The following CNTNAP4 variants were observed in gnomAD, a reference collection of about 807,000 sequenced individuals.
The protein encoded by CNTNAP4 is contactin-associated protein-like 4.
Under a neutral mutation model 148.4 loss-of-function variants are expected in CNTNAP4, and 98 were observed. That is an observed-to-expected ratio of 0.66 (90% CI 0.56 to 0.78). The LOEUF (loss-of-function observed/expected upper bound fraction) is 0.78, where lower values mean the gene tolerates loss of function less well. CNTNAP4 is among the 30% of genes least tolerant of loss of function. The probability of loss-of-function intolerance (pLI) is 0.00; values close to 1 mark genes in which losing one functional copy is unlikely to be tolerated. For missense variants in CNTNAP4, 1,935 were observed against 1,565.6 expected (o/e 1.24, Z -3.98); for synonymous variants, 730 against 565.1 (o/e 1.29, Z -4.14).
chr16:76,537,508 G>T (rs2084262271), intron 18 of CNTNAP4, among the ~76,000 whole-genome samples: 1 of 152,072 alleles, frequency 6.6e-6, no homozygotes, highest in Admixed American at 6.6e-5. Context: ...TCTCATACCA[G>T]GAAAATACTA....
intron 3 of CNTNAP4, among the ~76,000 whole-genome samples, chr16:76,369,370 C>G (rs2014536506): frequency 6.6e-6 from 1 of 152,034 alleles, no homozygotes; most frequent in Admixed American, 6.6e-5. Flanking sequence ...GAAATGGAAC[C>G]AAGTATATAC....
At chr16:76,545,823 G>A (rs1343871841) in intron 21 of CNTNAP4, among the ~76,000 whole-genome samples, 1 of 152,096 alleles carries the variant, frequency 6.6e-6, no homozygotes, top group East Asian at 1.9e-4. Flanking sequence ...GGATCACGAC[G>A]TCAGGAGATT....
intron 11 of CNTNAP4, among the ~76,000 whole-genome samples, chr16:76,477,072 T>C (rs1464296662): frequency 6.6e-6 from 1 of 152,172 alleles, no homozygotes; most frequent in African/African-American, 2.4e-5. Context: ...ATATGCAACT[T>C]ACTTATAAAG....
At position 76,326,694 on chromosome 16, in the gene CNTNAP4, A is replaced by C. The variant is rs566371675; in HGVS notation, c.196+10171A>C. Among the ~76,000 whole-genome samples, 20 of 152,120 alleles carry C rather than the reference A, an allele frequency of 1.3e-4. No homozygotes were observed. The East Asian group carries it at 3.9e-3, about 30-fold the overall frequency. Reference sequence around the variant, plus strand: ...ACCATCATTCTCAGCAAACTATCACAAGGACAAAAAAACCAAACACTGCAT... The same window carrying C: ...ACCATCATTCTCAGCAAACTATCACCAGGACAAAAAAACCAAACACTGCAT... On this transcript the variant is annotated intron_variant, in intron 2 of 23. Transcript: ENST00000611870.
chr16:76,277,806 C>G, intron 1 of CNTNAP4, 59 bp downstream of exon 1: 1 of 1,050,834 alleles, frequency 9.5e-7, no homozygotes, highest in East Asian at 2.6e-5. Context: ...AACTTTGATT[C>G]TGTTGGTTTG....
At chr16:76,351,538 C>T (rs559049563) in intron 2 of CNTNAP4, among the ~76,000 whole-genome samples, 261 of 152,300 alleles carry the variant, frequency 1.7e-3, no homozygotes, top group Middle Eastern at 3.4e-3. Context: ...GCTTAAAACC[C>T]GGTAGAGATA....
intron 21 of CNTNAP4, among the ~76,000 whole-genome samples, chr16:76,548,275 G>A (rs567788768): frequency 2.2e-4 from 32 of 148,368 alleles, no homozygotes; most frequent in Middle Eastern, 3.6e-3. Context: ...TCCAACCCTG[G>A]CTCTCTTGAT....
chr16:76,372,617 G>T (rs1043927855), intron 3 of CNTNAP4, among the ~76,000 whole-genome samples: 2 of 151,998 alleles, frequency 1.3e-5, no homozygotes, highest in African/African-American at 4.8e-5. Flanking sequence ...TTCCCCTTTC[G>T]CTTGGCTCTC....
At chr16:76,392,976 C>T (rs1357746608) in intron 3 of CNTNAP4, among the ~76,000 whole-genome samples, 1 of 152,146 alleles carries the variant, frequency 6.6e-6, no homozygotes, top group African/African-American at 2.4e-5. Flanking sequence ...GAGGTAGGTT[C>T]TTAGCATAAT....
At chr16:76,323,535 G>A (rs1452913736) in intron 2 of CNTNAP4, among the ~76,000 whole-genome samples, 1 of 152,114 alleles carries the variant, frequency 6.6e-6, no homozygotes, top group Non-Finnish European at 1.5e-5. Context: ...TATTAAAGTA[G>A]TGGAGAGTTT....
At chr16:76,486,357 A>G (rs1427573945) in intron 12 of CNTNAP4, among the ~76,000 whole-genome samples, 1 of 152,384 alleles carries the variant, frequency 6.6e-6, no homozygotes, top group African/African-American at 2.4e-5. Flanking sequence ...TATTACAACC[A>G]GTTCGAAGGA....
intron 3 of CNTNAP4, among the ~76,000 whole-genome samples, chr16:76,361,186 A>C (rs1023164405): frequency 3.3e-5 from 5 of 152,148 alleles, no homozygotes; most frequent in Non-Finnish European, 4.4e-5. Context: ...CAAATTTTTA[A>C]GTGCACAGTA....
chr16:76,540,142 C>A (rs117917672), intron 20 of CNTNAP4, among the ~76,000 whole-genome samples: 1 of 152,110 alleles, frequency 6.6e-6, no homozygotes, highest in Non-Finnish European at 1.5e-5. Flanking sequence ...CTAATGAAAC[C>A]GGTTTACTTT....
chr16:76,302,870 G>A (rs1033966746), intron 1 of CNTNAP4, among the ~76,000 whole-genome samples: 1 of 152,104 alleles, frequency 6.6e-6, no homozygotes, highest in Non-Finnish European at 1.5e-5. Flanking sequence ...TCTATGCCAC[G>A]ATGCTGCATG....
At chr16:76,282,508 T>G (rs2143749849) in intron 1 of CNTNAP4, among the ~76,000 whole-genome samples, 1 of 152,066 alleles carries the variant, frequency 6.6e-6, no homozygotes, top group South Asian at 2.1e-4. Flanking sequence ...ACATTTGGAA[T>G]CAAAGATCAT....
intron 17 of CNTNAP4, among the ~76,000 whole-genome samples, chr16:76,526,137 C>T (rs1472403478): frequency 2.6e-5 from 4 of 152,056 alleles, no homozygotes; most frequent in South Asian, 2.1e-4. Context: ...TCCTCTCTAG[C>T]GACATTAGCA....
intron 3 of CNTNAP4, among the ~76,000 whole-genome samples, chr16:76,424,759 A>AAAAAAC (rs10523743): frequency 0.015 from 2,264 of 151,054 alleles, 60 homozygotes; most frequent in African/African-American, 0.052. Flanking sequence ...ACTCGGTCTA[A>AAAAAAC]AAAAACAAAA....
chr16:76,328,824 T>C (rs1963252156), intron 2 of CNTNAP4, among the ~76,000 whole-genome samples: 2 of 152,164 alleles, frequency 1.3e-5, no homozygotes, highest in African/African-American at 4.8e-5. Context: ...TTTGTATTTT[T>C]AGTAGAGACG....
At chr16:76,320,257 C>A (rs563339483) in intron 2 of CNTNAP4, among the ~76,000 whole-genome samples, 29 of 152,084 alleles carry the variant, frequency 1.9e-4, no homozygotes, top group Non-Finnish European at 3.5e-4. Context: ...AAACAATGAA[C>A]TTAGATAATT....
Sources: allele counts gnomAD v4.1 joint callset (sites outside exome capture counted in the v4.1 genomes callset), GRCh38; gene constraint gnomAD v4.1.1; transcripts MANE v1.5; gene names NCBI Gene and HGNC (gene_info 2026-07-23, HGNC 2026-07-21).